Variants in MAP3K4 observed in about 807,000 individuals in gnomAD.
MAP3K4 encodes the protein MAP three kinase 1.
In MAP3K4, 67 loss-of-function variants were observed where a neutral mutation model predicts 185.6. The ratio of observed to expected loss-of-function variants is 0.36; its 90% CI spans 0.30 to 0.44. The LOEUF (loss-of-function observed/expected upper bound fraction) is 0.44. MAP3K4 is among the 20% of genes least tolerant of loss of function. The pLI is 1.00. For synonymous variants in MAP3K4, 702 were observed against 710.4 expected, an observed-to-expected ratio of 0.99 and a Z score of 0.19; for missense variants, 1,551 against 1,995.1, an observed-to-expected ratio of 0.78 and a Z score of 4.24.
rs957722571 is a variant in MAP3K4 at position 161,076,250 on chromosome 6, T to C, written c.2097+2638T>C. Among the ~76,000 whole-genome samples, 2 of 152,220 alleles carry C rather than the reference T, an allele frequency of 1.3e-5. No individual in the cohort carries two copies. The highest frequency in any genetic ancestry group is 1.3e-4 in the Admixed American group (2 of 15,280). On this transcript the variant is annotated intron_variant, in intron 5 of 26. Coordinates refer to ENST00000392142, the MANE Select transcript of MAP3K4 (RefSeq NM_005922.4). This position sits in a 1 kb window ranked among gnomAD's most constrained non-coding sequence, Gnocchi z 4.2. ...TGACAGCCATGACCGAAGCTGAGCC[T>C]GTCTCTCCAGGGATTCTGTTGTTGA...
chr6:161,086,376 C>T lies in MAP3K4; in HGVS notation c.2373-3C>T, dbSNP rs1356209642. 2 of 1,594,774 alleles carry T rather than the reference C, an allele frequency of 1.3e-6. No homozygotes were observed. The highest frequency in any genetic ancestry group is 1.7e-6 in the Non-Finnish European group (2 of 1,165,686). On this transcript the variant is annotated splice_polypyrimidine_tract_variant and splice_region_variant and intron_variant, in intron 7 of 26. Coordinates refer to ENST00000392142, the MANE Select transcript of MAP3K4 (RefSeq NM_005922.4). This position sits in a 1 kb window ranked among gnomAD's most constrained non-coding sequence, Gnocchi z 4.8. ...TCTAACTGGACTTGAATCCACTTGG[C>T]AGGAGGTCTGTTATAGAGATCAGTC...
chr6:161,106,229 T>G lies in MAP3K4; in HGVS notation c.3857-285T>G, dbSNP rs1437138496. ...AGTGTGGAATGGAGAGAGGAGAAAC[T>G]AGAGACATGTATATTACTGCAAGAT... On this transcript the variant is annotated intron_variant, in intron 19 of 26. Transcript: ENST00000392142. This position sits in a 1 kb window ranked among gnomAD's most constrained non-coding sequence, Gnocchi z 4.9. Among the ~76,000 whole-genome samples, 1 of 152,144 alleles carries G rather than the reference T, an allele frequency of 6.6e-6. No individual in the cohort carries two copies. The highest frequency in any genetic ancestry group is 6.5e-5 in the Admixed American group (1 of 15,278).
At position 161,091,914 on chromosome 6, in the gene MAP3K4, T is replaced by C. The variant is rs1307372721; in HGVS notation, c.3136-96T>C. On this transcript the variant is annotated intron_variant, in intron 12 of 26. Transcript: ENST00000392142. This position sits in a 1 kb window ranked among gnomAD's most constrained non-coding sequence, Gnocchi z 5.5. ...AGAAATTTTAATTGGATTTCACTTT[T>C]TGTTTTTAGAAAACATTTTAGACAT... is the stretch of plus-strand genomic sequence containing the variant. 48 of 1,045,914 alleles carry C rather than the reference T, an allele frequency of 4.6e-5. No homozygotes were observed. The highest frequency in any genetic ancestry group is 6.2e-5 in the Non-Finnish European group (44 of 708,954). The allele number at this position is 1,045,914 out of a possible 1,614,324, so 64.8% of individuals were successfully genotyped here.
intron 1 of MAP3K4, among the ~76,000 whole-genome samples, chr6:161,005,351 A>G (rs787784): frequency 0.94 from 142,359 of 151,966 alleles, 67,002 homozygotes; most frequent in African/African-American, 0.97. Context: ...CGTTGCCCAG[A>G]CTGGTCTCGA....
rs1784146528 is a variant in MAP3K4 at position 161,054,441 on chromosome 6, C to T, written c.1707+4462C>T. On this transcript the variant is annotated intron_variant, in intron 3 of 26. Transcript: ENST00000392142. This position sits in a 1 kb window ranked among gnomAD's most constrained non-coding sequence, Gnocchi z 4.2. ...AAGTGCTGGGATGATAGGTGTGAGC[C>T]ACCGCGCCCGGCCCAAACTAATTTT... 6.6e-6 allele frequency among the ~76,000 whole-genome samples: 1 copy of T among 152,168 alleles called. No individual in the cohort carries two copies. The highest frequency in any genetic ancestry group is 2.4e-5 in the African/African-American group (1 of 41,424).
intron 2 of MAP3K4, among the ~76,000 whole-genome samples, chr6:161,038,861 G>A (rs1383630537): frequency 2.0e-5 from 3 of 152,152 alleles, no homozygotes; most frequent in Non-Finnish European, 4.4e-5. Context: ...ACTCACATAT[G>A]TGTCTGTTCA....
intron 3 of MAP3K4, among the ~76,000 whole-genome samples, chr6:161,060,707 TCTCCCTGG>T (rs1346433865): frequency 6.6e-6 from 1 of 151,228 alleles, no homozygotes; most frequent in African/African-American, 2.4e-5. Flanking sequence ...GCAACCTGTG[TCTCCCTGG>T]CTCAAGTGGT....
Position 161,056,513 on chromosome 6 carries a change from C to T in MAP3K4, c.1707+6534C>T, listed in dbSNP as rs1396433251. On this transcript the variant is annotated intron_variant, in intron 3 of 26. Coordinates refer to ENST00000392142, the MANE Select transcript of MAP3K4 (RefSeq NM_005922.4). This position sits in a 1 kb window ranked among gnomAD's most constrained non-coding sequence, Gnocchi z 5.4. ...GCACAAGGTTCATTCCGACTTTCCT[C>T]CCTTGCTTATCTGTAACTTACTTCT... Among the ~76,000 whole-genome samples the T allele has an allele frequency of 6.6e-6, 1 of 152,192 alleles. No homozygotes were observed. Among genetic ancestry groups the T allele is most frequent in the Non-Finnish European group, 1.5e-5 (1 of 68,034 alleles).
chr6:161,077,124 G>T lies in MAP3K4; in HGVS notation c.2097+3512G>T, dbSNP rs1389499166. Among the ~76,000 whole-genome samples the T allele has an allele frequency of 1.3e-5, 2 of 152,264 alleles. No homozygotes were observed. The highest frequency in any genetic ancestry group is 3.9e-4 in the East Asian group (2 of 5,180). ...AACAATACTATATATTGTAGTTTCT[G>T]TAATAAGAGATTGTTTTAAAAAGCG... On this transcript the variant is annotated intron_variant, in intron 5 of 26. Coordinates refer to ENST00000392142, the MANE Select transcript of MAP3K4 (RefSeq NM_005922.4). The surrounding 1 kb of genome is among the most constrained non-coding windows in gnomAD (Gnocchi z 4.3).
chr6:161,109,737 C>T lies in MAP3K4; in HGVS notation c.4237-18C>T. ...AGGAAAACCGTAAACACAGAGCTGC[C>T]CTTTATTCCTCCCACAGGAAGAAAT... On this transcript the variant is annotated intron_variant, in intron 22 of 26. Transcript: ENST00000392142. This position sits in a 1 kb window ranked among gnomAD's most constrained non-coding sequence, Gnocchi z 5.7. 1.2e-6 allele frequency: 2 copies of T among 1,613,922 alleles called. No homozygotes were observed. The highest frequency in any genetic ancestry group is 1.7e-6 in the Non-Finnish European group (2 of 1,179,856).
rs772248516 is a variant in MAP3K4 at position 161,034,323 on chromosome 6, G to A, written c.217G>A (p.Asp73Asn). The A allele has an allele frequency of 1.1e-5, 18 of 1,613,942 alleles. No homozygotes were observed. In the South Asian group the frequency reaches 1.3e-4, roughly 12 times the overall value. ...SPESDLEDFS[D>N]ETNTENLYGT... Reference sequence around the variant, plus strand: ...TGAATCTGATCTAGAAGACTTCTCCGATGAAACAAATACAGAGAATCTTTA... The same window carrying A: ...TGAATCTGATCTAGAAGACTTCTCCAATGAAACAAATACAGAGAATCTTTA... Residue 73 changes from aspartate (D) to asparagine (N), a missense_variant, in exon 2 of 27, where the codon GAT becomes AAT. Asp to Asn is a conservative substitution (Grantham distance 23, BLOSUM62 1). Transcript: ENST00000392142. This position sits in a 1 kb window ranked among gnomAD's most constrained non-coding sequence, Gnocchi z 4.4.
chr6:161,113,424 A>C (rs1018256499), intron 25 of MAP3K4, among the ~76,000 whole-genome samples: 1 of 152,144 alleles, frequency 6.6e-6, no homozygotes, highest in African/African-American at 2.4e-5. Flanking sequence ...GAGTAAACCT[A>C]CTCTGTAGGA....
chr6:161,003,374 A>G (rs1781419978), intron 1 of MAP3K4, among the ~76,000 whole-genome samples: 1 of 152,238 alleles, frequency 6.6e-6, no homozygotes, highest in South Asian at 2.1e-4. Flanking sequence ...TCTCAACAGA[A>G]TCCACGGTCA....
rs1423299066 is a variant in MAP3K4, at chr6:161,017,415, AGT to A, written c.153-16841_153-16840del. 6.6e-6 allele frequency among the ~76,000 whole-genome samples: 1 copy of A among 152,150 alleles called. No homozygotes were observed. The highest frequency in any genetic ancestry group is 1.5e-5 in the Non-Finnish European group (1 of 68,028). On this transcript the variant is annotated intron_variant, in intron 1 of 26. Transcript: ENST00000392142. This position sits in a 1 kb window ranked among gnomAD's most constrained non-coding sequence, Gnocchi z 5.1. The stretch of plus-strand genomic sequence containing the variant: ...GACAAGCACGTAAGGAACTGCCAAG[AGT>A]GTTATTTATTTGGTCTTCTGGTACC...
Position 161,098,191 on chromosome 6 carries a change from T to G in MAP3K4, c.3525-87T>G. On this transcript the variant is annotated intron_variant, in intron 16 of 26. Transcript: ENST00000392142. The surrounding 1 kb of genome is among the most constrained non-coding windows in gnomAD (Gnocchi z 4.4). ...TATTTTTAAATATATTTCACCCCCTTGCCATATTTTATTTTTAATTGAAAA... is the reference window on the plus strand; with the variant it reads ...TATTTTTAAATATATTTCACCCCCTGGCCATATTTTATTTTTAATTGAAAA... 1 of 1,363,762 alleles carries G rather than the reference T, an allele frequency of 7.3e-7. No individual in the cohort carries two copies. The highest frequency in any genetic ancestry group is 1.0e-6 in the Non-Finnish European group (1 of 1,001,194). 84.5% of individuals were successfully genotyped at this position (1,363,762 alleles called of 1,614,324 possible). A position where few individuals can be genotyped will look rare whatever the true frequency, so the allele number is the denominator to read the frequency against.
Position 161,109,952 on chromosome 6 carries a change from C to T in MAP3K4, c.4396+38C>T. ...CCGCCTGGCTGCTGTGGGCCAGAGC[C>T]ACTGGTACCCAGCCCGTGGGAGGTG... On this transcript the variant is annotated intron_variant, in intron 23 of 26. Transcript: ENST00000392142. The surrounding 1 kb of genome is among the most constrained non-coding windows in gnomAD (Gnocchi z 5.7). The T allele has an allele frequency of 6.2e-7, 1 of 1,609,610 alleles. No individual in the cohort carries two copies. The highest frequency in any genetic ancestry group is 8.5e-7 in the Non-Finnish European group (1 of 1,177,382).
intron 1 of MAP3K4, among the ~76,000 whole-genome samples, chr6:161,023,320 CTG>C (rs1562487375): frequency 6.6e-6 from 1 of 152,188 alleles, no homozygotes; most frequent in Non-Finnish European, 1.5e-5. Context: ...CAATAAATGA[CTG>C]TAAGCACATT....
rs1162406538 is a variant in MAP3K4, at chr6:161,051,637, C to T, written c.1707+1658C>T. Among the ~76,000 whole-genome samples the T allele has an allele frequency of 6.6e-6, 1 of 152,178 alleles. No individual in the cohort carries two copies. The highest frequency in any genetic ancestry group is 2.4e-5 in the African/African-American group (1 of 41,450). On this transcript the variant is annotated intron_variant, in intron 3 of 26. Coordinates refer to ENST00000392142, the MANE Select transcript of MAP3K4 (RefSeq NM_005922.4). The surrounding 1 kb of genome is among the most constrained non-coding windows in gnomAD (Gnocchi z 4.2). The stretch of plus-strand genomic sequence containing the variant: ...AAAAGTCCTGGCAGTACCAACATCC[C>T]TTGGTATCTCATCCCAGGGGGATTT...
rs764394977 is a variant in MAP3K4, at chr6:161,111,957, AGGTAGGGACCAGCCT to A, written c.4519+3_4519+17del. The stretch of plus-strand genomic sequence containing the variant: ...AAGTGAACAGCACCCTGGGGACAGC[AGGTAGGGACCAGCCT>A]GGTTGTTCTTTGCACTCTGACTTCA... On this transcript the variant is annotated splice_donor_variant and splice_donor_5th_base_variant and coding_sequence_variant and intron_variant, in exon 24 of 27. Coordinates refer to ENST00000392142, the MANE Select transcript of MAP3K4 (RefSeq NM_005922.4). LOFTEE classifies it high-confidence loss of function. 1 of 1,613,968 alleles carries A rather than the reference AGGTAGGGACCAGCCT, an allele frequency of 6.2e-7. No individual in the cohort carries two copies. Among genetic ancestry groups the A allele is most frequent in the South Asian group, 1.1e-5 (1 of 90,998 alleles).
Sources: gnomAD v4.1 joint callset for allele counts (sites outside exome capture counted in the v4.1 genomes callset) on GRCh38, gnomAD v4.1.1 for gene constraint, Gnocchi (gnomAD v3.1) non-coding constraint, MANE v1.5 for transcripts, NCBI Gene and HGNC (gene_info 2026-07-23, HGNC 2026-07-21) for gene names.